Variants in NLGN4X observed in about 807,000 individuals in gnomAD.
NLGN4X encodes the protein neuroligin 4 X-linked.
In NLGN4X, 3 loss-of-function variants were observed where a neutral mutation model predicts 40.3. That is an observed-to-expected ratio of 0.07 (90% confidence interval 0.03 to 0.19). NLGN4X has a LOEUF of 0.19. Among genes scored for constraint, NLGN4X ranks in the 10% least tolerant of loss-of-function variants. NLGN4X has a pLI of 1.00. For missense variants in NLGN4X, 382 were observed against 708.3 expected (o/e 0.54, Z 5.23); for synonymous variants, 270 against 306.8 (o/e 0.88, Z 1.25).
At chrX:6,003,440 G>A (rs771794226) in intron 3 of NLGN4X, among the ~76,000 whole-genome samples, 1 of 111,411 alleles carries the variant, frequency 9.0e-6, no homozygotes, top group African/African-American at 3.3e-5. Flanking sequence ...CATGACCTTC[G>A]TTGTACTTTT....
At chrX:6,167,721 C>A (rs1214203071) in intron 1 of NLGN4X, among the ~76,000 whole-genome samples, 3 of 111,665 alleles carry the variant, frequency 2.7e-5, no homozygotes, top group South Asian at 3.8e-4. Flanking sequence ...TTATCCACTC[C>A]CCACATCCCA....
chrX:6,064,086 C>T (rs1042649323), intron 2 of NLGN4X, among the ~76,000 whole-genome samples: 6 of 111,529 alleles, frequency 5.4e-5, no homozygotes, highest in South Asian at 3.8e-4. Flanking sequence ...ATTTGATAAA[C>T]GGCATGTATT....
intron 2 of NLGN4X, among the ~76,000 whole-genome samples, chrX:6,038,734 C>T (rs1167743911): frequency 1.8e-5 from 2 of 111,399 alleles, no homozygotes; most frequent in African/African-American, 3.3e-5. Context: ...AAGGGGCTTT[C>T]CAGAAAGCAG....
chrX:6,104,717 G>A (rs1187804753), intron 2 of NLGN4X, among the ~76,000 whole-genome samples: 1 of 111,710 alleles, frequency 9.0e-6, no homozygotes, highest in East Asian at 2.8e-4. Flanking sequence ...GGACAGGAGA[G>A]GATGGGCAGT....
At chrX:6,023,996 C>CA (rs753725389) in intron 3 of NLGN4X, among the ~76,000 whole-genome samples, 2,988 of 108,929 alleles carry the variant, frequency 0.027, 102 homozygotes, top group East Asian at 0.16. Context: ...TGAACAACAA[C>CA]AACAAAAAAA....
chrX:6,057,057 C>T (rs1004526581), intron 2 of NLGN4X, among the ~76,000 whole-genome samples: 1 of 111,912 alleles, frequency 8.9e-6, no homozygotes, highest in African/African-American at 3.3e-5. Context: ...CAAATTATTA[C>T]ACTTAGCATG....
chrX:5,966,397 T>C (rs1022094963), intron 3 of NLGN4X, among the ~76,000 whole-genome samples: 1 of 112,502 alleles, frequency 8.9e-6, no homozygotes. Flanking sequence ...CTTTTCAAGT[T>C]GTACTTTGCT....
At chrX:6,024,649 C>G (rs1183749030) in intron 3 of NLGN4X, among the ~76,000 whole-genome samples, 1 of 111,235 alleles carries the variant, frequency 9.0e-6, no homozygotes, top group East Asian at 2.8e-4. Context: ...CCTCACTACT[C>G]ATTATACGCT....
intron 5 of NLGN4X, among the ~76,000 whole-genome samples, chrX:5,895,024 G>A (rs767064718): frequency 8.9e-6 from 1 of 112,348 alleles, no homozygotes; most frequent in African/African-American, 3.2e-5. Flanking sequence ...CTGCATGGCA[G>A]AAGGCTGCAG....
At chrX:5,998,115 T>C (rs2035881092) in intron 3 of NLGN4X, among the ~76,000 whole-genome samples, 1 of 111,398 alleles carries the variant, frequency 9.0e-6, no homozygotes, top group Non-Finnish European at 1.9e-5. Context: ...TGAAATGTAA[T>C]TGTGCATCTT....
intron 2 of NLGN4X, among the ~76,000 whole-genome samples, chrX:6,124,401 G>A (rs1164100503): frequency 8.9e-6 from 1 of 112,131 alleles, no homozygotes; most frequent in Non-Finnish European, 1.9e-5. Flanking sequence ...GAGGATATAG[G>A]CCAGTTGCAG....
intron 2 of NLGN4X, among the ~76,000 whole-genome samples, chrX:6,064,643 A>G (rs781375936): frequency 9.9e-5 from 11 of 111,379 alleles, no homozygotes; most frequent in Non-Finnish European, 1.9e-4. Flanking sequence ...TCAATAGCAA[A>G]TGAGGCAAGT....
intron 2 of NLGN4X, among the ~76,000 whole-genome samples, chrX:6,048,224 T>C (rs1393177855): frequency 8.9e-6 from 1 of 112,175 alleles, no homozygotes; most frequent in Non-Finnish European, 1.9e-5. Context: ...AGATCTACCA[T>C]GTTTTGGTAC....
chrX:6,014,542 T>C (rs1489025613), intron 3 of NLGN4X, among the ~76,000 whole-genome samples: 1 of 111,781 alleles, frequency 8.9e-6, no homozygotes, highest in Non-Finnish European at 1.9e-5. Flanking sequence ...AAGTAAGGAA[T>C]GTTTTTCGTG....
intron 1 of NLGN4X, among the ~76,000 whole-genome samples, chrX:6,195,476 A>G (rs775513084): frequency 5.3e-5 from 6 of 112,484 alleles, no homozygotes; most frequent in Non-Finnish European, 1.1e-4. Context: ...CAACAGTGAC[A>G]AAAATTACCA....
At chrX:6,162,725 A>G (rs2040424577) in intron 1 of NLGN4X, among the ~76,000 whole-genome samples, 1 of 111,583 alleles carries the variant, frequency 9.0e-6, no homozygotes, top group South Asian at 3.8e-4. Context: ...ATAACCATCA[A>G]TGCTTCCATC....
intron 2 of NLGN4X, among the ~76,000 whole-genome samples, chrX:6,130,216 C>A (rs1246511964): frequency 9.0e-6 from 1 of 111,707 alleles, no homozygotes; most frequent in Non-Finnish European, 1.9e-5. Flanking sequence ...CCCCATGCTC[C>A]TTTTCTTTTT....
intron 1 of NLGN4X, among the ~76,000 whole-genome samples, chrX:6,168,231 G>A (rs1216681241): frequency 2.7e-5 from 3 of 111,614 alleles, no homozygotes; most frequent in African/African-American, 6.5e-5. Context: ...TAACTTAGAG[G>A]GTGTGACTGT....
At chrX:5,932,366 A>G (rs897759001) in intron 3 of NLGN4X, among the ~76,000 whole-genome samples, 2 of 111,470 alleles carry the variant, frequency 1.8e-5, no homozygotes, top group African/African-American at 6.5e-5. Flanking sequence ...ATGAGTTTCC[A>G]CTCACCTAAG....
Sources: gnomAD v4.1 joint callset for allele counts (sites outside exome capture counted in the v4.1 genomes callset) on GRCh38, gnomAD v4.1.1 for gene constraint, MANE v1.5 for transcripts, NCBI Gene and HGNC (gene_info 2026-07-23, HGNC 2026-07-21) for gene names.